CHD8: variants seen among roughly 807,000 people sequenced by gnomAD.
The protein encoded by CHD8 is chromodomain helicase DNA binding protein 8, also known as ATP-dependent chromatin remodeler CHD8.
CHD8 carries 31 observed loss-of-function variants against 279.2 expected under a neutral mutation model. The ratio of observed to expected loss-of-function variants is 0.11; its 90% confidence interval spans 0.08 to 0.15. The LOEUF is 0.15. Ranked by LOEUF, CHD8 falls within the 10% of genes least tolerant of loss-of-function variation. The pLI is 1.00. For missense variants in CHD8, 2,146 were observed against 3,230.5 expected (o/e 0.66, Z 8.14); for synonymous variants, 1,081 against 1,139.6 (o/e 0.95, Z 1.04).
rs748531762 is a variant in CHD8 at position 21,393,139 on chromosome 14, C to T, written c.6435G>A (p.Leu2145=). 10 of 1,613,930 alleles carry T rather than the reference C, an allele frequency of 6.2e-6. No homozygotes were observed. Among genetic ancestry groups the T allele is most frequent in the East Asian group, 4.5e-5 (2 of 44,880 alleles). Residue 2145 remains leucine (L), a synonymous_variant, in exon 33 of 38, where the codon CTG becomes CTA. Transcript: ENST00000646647. ...ACTCAGAGGCTCTTTGTCTTTCCTG[C>T]AGTAGCAGAAGCTCAGGGGTCATTT... ...GEQMTPELLL[L]QERQRASEWP...
chr14:21,414,546 G>C (rs1044072217), intron 8 of CHD8, 128 bp from the exon 9 acceptor site: 5 of 620,500 alleles, frequency 8.1e-6, no homozygotes, highest in Non-Finnish European at 1.4e-5. Context: ...CAGTCTCTTA[G>C]GTCAGTGCTT....
Position 21,424,878 on chromosome 14 carries a change from G to C in CHD8, c.1716+1250C>G, listed in dbSNP as rs1363496133. On this transcript the variant is annotated intron_variant, in intron 5 of 37. Coordinates refer to ENST00000646647, the MANE Select transcript of CHD8 (RefSeq NM_001170629.2). The stretch of plus-strand genomic sequence containing the variant: ...GGAGGCACTTATAAATATTAATAGA[G>C]AAACACTTAAGGTTCATTTAGTCCA... Among the ~76,000 whole-genome samples, 14 of 152,170 alleles carry C rather than the reference G, an allele frequency of 9.2e-5. No individual in the cohort carries two copies. The East Asian group carries it at 2.7e-3, about 29-fold the overall frequency.
intron 37 of CHD8, 148 bp downstream of exon 37, chr14:21,390,799 G>A (rs1006501988): frequency 1.1e-4 from 61 of 537,532 alleles, no homozygotes; most frequent in Non-Finnish European, 1.5e-4. Flanking sequence ...AGAAAACTCC[G>A]GTTTCCTTAT....
At chr14:21,426,048 G>T in intron 5 of CHD8, 80 bp downstream of exon 5, 5 of 848,130 alleles carry the variant, frequency 5.9e-6, no homozygotes, top group Non-Finnish European at 7.7e-6. Context: ...ATAGACTTAC[G>T]ATTTCTCAAT....
chr14:21,399,575 A>T (rs1418547666), intron 26 of CHD8, 27 bp downstream of exon 26: 2 of 1,486,868 alleles, frequency 1.3e-6, no homozygotes, highest in Non-Finnish European at 1.9e-6. Context: ...TCAGTCGGAA[A>T]GGAGTAGAAT....
rs377361806 is a variant in CHD8, at chr14:21,405,245, A to G, written c.3271T>C (p.Leu1091=). Residue 1091 remains leucine (L), a synonymous_variant, in exon 16 of 38, where the codon TTG becomes CTG. Transcript: ENST00000646647. This position sits in a 1 kb window ranked among gnomAD's most constrained non-coding sequence, Gnocchi z 4.2. ...TATGGGTGGTTGCAGCACTTGCGCA[A>G]CTCCATCATTGTGTTAAGTAGATTA... is the stretch of plus-strand genomic sequence containing the variant. ...MPNLLNTMME[L]RKCCNHPYLI... 13 of 1,613,362 alleles carry G rather than the reference A, an allele frequency of 8.1e-6. No homozygotes were observed. The highest frequency in any genetic ancestry group is 1.0e-5 in the Non-Finnish European group (12 of 1,179,770).
At chr14:21,419,330 G>A (rs1474665495) in intron 5 of CHD8, among the ~76,000 whole-genome samples, 1 of 152,128 alleles carries the variant, frequency 6.6e-6, no homozygotes, top group South Asian at 2.1e-4. Flanking sequence ...AGGCCGAGGC[G>A]GGCAGACTGC....
chr14:21,402,278 T>C lies in CHD8; in HGVS notation c.3882+58A>G. The stretch of plus-strand genomic sequence containing the variant: ...CAAATCCCTGTGTACAAATAGCTTT[T>C]GTTTCCCTCTATCACAATGATCTAC... On this transcript the variant is annotated intron_variant, in intron 19 of 37. Transcript: ENST00000646647. The surrounding 1 kb of genome is among the most constrained non-coding windows in gnomAD (Gnocchi z 4.5). The C allele has an allele frequency of 6.3e-7, 1 of 1,590,190 alleles. No individual in the cohort carries two copies. Among genetic ancestry groups the C allele is most frequent in the Non-Finnish European group, 8.6e-7 (1 of 1,159,292 alleles).
chr14:21,415,161 G>A, intron 7 of CHD8, 168 bp from the exon 8 acceptor site: 2 of 584,904 alleles, frequency 3.4e-6, no homozygotes, highest in South Asian at 2.2e-5. Flanking sequence ...CCTGATAGCT[G>A]GAAAAAGTAA....
chr14:21,432,570 A>G (rs558197227), intron 1 of CHD8, among the ~76,000 whole-genome samples: 1 of 152,356 alleles, frequency 6.6e-6, no homozygotes, highest in Admixed American at 6.5e-5. Flanking sequence ...CATATATTTT[A>G]CATTCCAGTC....
At position 21,402,053 on chromosome 14, in the gene CHD8, G is replaced by A. The variant is rs1171603040; in HGVS notation, c.3966C>T (p.Gly1322=). Reference sequence around the variant, plus strand: ...CAATGTCCTCTTCACAAAACTTGGAGCCTTCATCATCTTCCTCCATGATGG... The same window carrying A: ...CAATGTCCTCTTCACAAAACTTGGAACCTTCATCATCTTCCTCCATGATGG... ...YAAIMEEDDE[G]SKFCEEDIDQ... The change falls in exon 20 of 38, where the codon GGC becomes GGT. Residue 1322 remains glycine, a synonymous_variant. Transcript: ENST00000646647. The surrounding 1 kb of genome is among the most constrained non-coding windows in gnomAD (Gnocchi z 4.5). 1.1e-5 allele frequency: 18 copies of A among 1,613,408 alleles called. No individual in the cohort carries two copies. Among genetic ancestry groups the A allele is most frequent in the Non-Finnish European group, 1.5e-5 (18 of 1,179,674 alleles).
intron 31 of CHD8, 29 bp downstream of exon 31, chr14:21,394,248 A>G: frequency 6.2e-7 from 1 of 1,613,504 alleles, no homozygotes; most frequent in Non-Finnish European, 8.5e-7. Context: ...GTTGGCATCC[A>G]TCCTCACCCA....
chr14:21,427,584 T>A, intron 4 of CHD8: 1 of 1,414,118 alleles, frequency 7.1e-7, no homozygotes, highest in Non-Finnish European at 9.3e-7. Flanking sequence ...CCCATCACAG[T>A]AGCAAGGAGC....
At chr14:21,398,747 G>C (rs1237799734) in intron 26 of CHD8, 1 of 155,390 alleles carries the variant, frequency 6.4e-6, no homozygotes, top group African/African-American at 2.4e-5. Flanking sequence ...TACCCCCACT[G>C]CATTTTTGTT....
chr14:21,417,746 C>T (rs953437617), intron 5 of CHD8, among the ~76,000 whole-genome samples: 7 of 150,520 alleles, frequency 4.7e-5, no homozygotes, highest in South Asian at 2.1e-4. Flanking sequence ...CCCCGCTACT[C>T]GGGAGGCTGA....
At position 21,426,340 on chromosome 14, in the gene CHD8, G is replaced by C. The variant is rs879151146; in HGVS notation, c.1602-98C>G. ...TAAACCATCACATACAAAACTTCCA[G>C]ACAGAAGTTTTTAGATCTTCAGTCA... On this transcript the variant is annotated intron_variant, in intron 4 of 37. Transcript: ENST00000646647. 5.6e-5 allele frequency: 36 copies of C among 643,098 alleles called. 1 individual carries two copies. The highest frequency in any genetic ancestry group is 5.7e-4 in the Middle Eastern group (2 of 3,512). 39.8% of individuals were successfully genotyped at this position (643,098 alleles called of 1,614,324 possible).
In CHD8 at chr14:21,405,180, G is replaced by A; in HGVS notation, c.3307+29C>T. The A allele has an allele frequency of 6.2e-7, 1 of 1,607,102 alleles. No individual in the cohort carries two copies. The highest frequency in any genetic ancestry group is 8.5e-7 in the Non-Finnish European group (1 of 1,174,780). On this transcript the variant is annotated intron_variant, in intron 16 of 37. Transcript: ENST00000646647. This position sits in a 1 kb window ranked among gnomAD's most constrained non-coding sequence, Gnocchi z 4.2. ...GAAAGTAAACACAGGTACTACAGAA[G>A]TTCAGGTATATACCAAGCATTCCCT... is the stretch of plus-strand genomic sequence containing the variant.
chr14:21,388,418 A>G (rs1206112874), intron 37 of CHD8, among the ~76,000 whole-genome samples: 5 of 152,260 alleles, frequency 3.3e-5, no homozygotes, highest in East Asian at 3.8e-4. Context: ...GTTAGGTATT[A>G]TAAGTAATCA....
chr14:21,386,030 C>T lies in CHD8; in HGVS notation c.7329G>A (p.Leu2443=), dbSNP rs1169717544. ...TACTGCTGTGTTGGAACGTGTTATG[C>T]AGAGATAGAGACCCAGTGCTTCCAC... ...MQGGSTGSLS[L]HNTFQHSSSG... The change falls in exon 38 of 38, where the codon CTG becomes CTA. Residue 2443 remains leucine (L), a synonymous_variant. Coordinates refer to ENST00000646647, the MANE Select transcript of CHD8 (RefSeq NM_001170629.2). 6.3e-7 allele frequency: 1 copy of T among 1,597,028 alleles called. No homozygotes were observed. The highest frequency in any genetic ancestry group is 8.5e-7 in the Non-Finnish European group (1 of 1,171,664).
Sources: allele counts gnomAD v4.1 joint callset (sites outside exome capture counted in the v4.1 genomes callset), GRCh38; gene constraint gnomAD v4.1.1; non-coding constraint Gnocchi (gnomAD v3.1); transcripts MANE v1.5; gene names NCBI Gene and HGNC (gene_info 2026-07-23, HGNC 2026-07-21).